The following SORBS2 variants were observed in gnomAD, a reference collection of about 807,000 sequenced individuals.
SORBS2 encodes the protein sorbin and SH3 domain containing 2.
SORBS2 carries 46 observed loss-of-function variants against 97.7 expected under a neutral mutation model. The ratio of observed to expected loss-of-function variants is 0.47; its 90% CI spans 0.37 to 0.60. SORBS2 has a LOEUF of 0.60. SORBS2 is among the 20% of genes least tolerant of loss of function. SORBS2 has a pLI of 0.00. For synonymous variants in SORBS2, 476 were observed against 473.4 expected (o/e 1.01, Z -0.07); for missense variants, 1,316 against 1,282.3 (o/e 1.03, Z -0.40).
intron 1 of SORBS2, among the ~76,000 whole-genome samples, chr4:185,906,001 G>C (rs965077711): frequency 6.6e-6 from 1 of 152,148 alleles, no homozygotes; most frequent in Non-Finnish European, 1.5e-5. Context: ...TTTTAGGGCA[G>C]TGCTCAACTG....
At chr4:185,854,613 A>G (rs2149693685) in intron 1 of SORBS2, among the ~76,000 whole-genome samples, 1 of 152,328 alleles carries the variant, frequency 6.6e-6, no homozygotes, top group East Asian at 1.9e-4. Context: ...ATGAATCACA[A>G]TGCTTTAATA....
intron 2 of SORBS2, among the ~76,000 whole-genome samples, chr4:185,721,161 G>T (rs2098511082): frequency 7.6e-6 from 1 of 131,948 alleles, no homozygotes; most frequent in Non-Finnish European, 1.5e-5. Context: ...TGCAACCTCT[G>T]CCTCTCGGGT....
chr4:185,760,955 C>T (rs1354048613), intron 2 of SORBS2, among the ~76,000 whole-genome samples: 1 of 152,176 alleles, frequency 6.6e-6, no homozygotes, highest in Non-Finnish European at 1.5e-5. Context: ...ATTTCAGTTA[C>T]ATAATAAAAG....
intron 1 of SORBS2, among the ~76,000 whole-genome samples, chr4:185,886,136 C>G (rs775221338): frequency 1.3e-5 from 2 of 152,182 alleles, no homozygotes; most frequent in Non-Finnish European, 2.9e-5. Context: ...ACTGAGAAAG[C>G]ATTTAGGCAT....
At chr4:185,678,495 T>C (rs374582865) in exon 4 of SORBS2, 19 of 1,550,792 alleles carry the variant, frequency 1.2e-5, no homozygotes, top group African/African-American at 8.2e-5. Flanking sequence ...GAGAGGAATA[T>C]GTAGCATCTC....
Position 185,727,086 on chromosome 4 carries a change from G to A in SORBS2, c.-198+48141C>T, listed in dbSNP as rs533255697. Among the ~76,000 whole-genome samples the A allele has an allele frequency of 5.9e-5, 9 of 152,242 alleles. No individual in the cohort carries two copies. The South Asian group carries it at 1.7e-3, about 28-fold the overall frequency. Reference sequence around the variant, plus strand: ...AACAGATCAGAAGCCCTGGACAGACGCCACCACAAAAGCAGCAGCATCTGG... The same window carrying A: ...AACAGATCAGAAGCCCTGGACAGACACCACCACAAAAGCAGCAGCATCTGG... On this transcript the variant is annotated intron_variant, in intron 2 of 20. Coordinates refer to the SORBS2 transcript ENST00000284776.
intron 7 of SORBS2, among the ~76,000 whole-genome samples, chr4:185,622,192 T>G (rs2096729404): frequency 6.6e-6 from 1 of 152,250 alleles, no homozygotes; most frequent in Admixed American, 6.5e-5. Context: ...AAAATAGAGT[T>G]TAGAGTCACT....
intron 1 of SORBS2, among the ~76,000 whole-genome samples, chr4:185,825,069 C>A (rs1294452948): frequency 6.6e-6 from 1 of 152,176 alleles, no homozygotes; most frequent in Non-Finnish European, 1.5e-5. Context: ...TGCACCCTCC[C>A]CTGGGTATAG....
intron 2 of SORBS2, among the ~76,000 whole-genome samples, chr4:185,710,674 T>C (rs1566352): frequency 0.74 from 112,086 of 152,154 alleles, 42,549 homozygotes; most frequent in Non-Finnish European, 0.84. Context: ...CAGTGGCTTT[T>C]GTGCTGAAGG....
rs1458934449 is a variant in SORBS2, at chr4:185,842,820, A to G, written c.-337-67454T>C. 2.6e-5 allele frequency among the ~76,000 whole-genome samples: 4 copies of G among 151,564 alleles called. No individual in the cohort carries two copies. In the East Asian group the frequency reaches 7.8e-4, roughly 30 times the overall value. On this transcript the variant is annotated intron_variant, in intron 1 of 20. Coordinates refer to the SORBS2 transcript ENST00000284776. ...CATGGTAGTATATGCCTGTAGTACCAGCTACTCAGGAGGCTGAGGCAAGGG... is the reference window on the plus strand; with the variant it reads ...CATGGTAGTATATGCCTGTAGTACCGGCTACTCAGGAGGCTGAGGCAAGGG...
chr4:185,714,652 G>A (rs929992577), intron 2 of SORBS2, among the ~76,000 whole-genome samples: 7 of 152,200 alleles, frequency 4.6e-5, no homozygotes, highest in Admixed American at 1.3e-4. Flanking sequence ...AGGCCTCACC[G>A]TCATGGCAGA....
chr4:185,794,567 A>C (rs1371742031), intron 1 of SORBS2, among the ~76,000 whole-genome samples: 1 of 152,302 alleles, frequency 6.6e-6, no homozygotes, highest in Admixed American at 6.5e-5. Context: ...GGGAATTCAG[A>C]TGGTGTTTCC....
chr4:185,935,327 T>C lies in SORBS2; in HGVS notation c.-338+20869A>G, dbSNP rs368422948. On this transcript the variant is annotated intron_variant, in intron 1 of 20. Coordinates refer to the SORBS2 transcript ENST00000284776. ...ACCACATTTTAAATTTATTATTTTA[T>C]GCTTAAATATCACTTATCTGTAACA... Among the ~76,000 whole-genome samples, 13 of 152,378 alleles carry C rather than the reference T, an allele frequency of 8.5e-5. No individual in the cohort carries two copies. The South Asian group carries it at 2.7e-3, about 32-fold the overall frequency.
chr4:185,718,299 A>T (rs2098483144), intron 2 of SORBS2, among the ~76,000 whole-genome samples: 1 of 152,206 alleles, frequency 6.6e-6, no homozygotes, highest in Admixed American at 6.5e-5. Flanking sequence ...TTACAGAAAT[A>T]TGAGCTATCA....
At chr4:185,701,688 AAC>A (rs1188645744) in intron 2 of SORBS2, among the ~76,000 whole-genome samples, 2 of 152,206 alleles carry the variant, frequency 1.3e-5, no homozygotes, top group African/African-American at 2.4e-5. Flanking sequence ...TGCCATTCCT[AAC>A]ACAGAGCAGA....
At chr4:185,641,897 C>T (rs958757558) in intron 4 of SORBS2, among the ~76,000 whole-genome samples, 15 of 152,034 alleles carry the variant, frequency 9.9e-5, no homozygotes, top group African/African-American at 3.4e-4. Flanking sequence ...CAAGGGTGAA[C>T]AACTTTAAAA....
intron 1 of SORBS2, among the ~76,000 whole-genome samples, chr4:185,873,004 G>GCTCTC (rs2099231259): frequency 6.6e-6 from 1 of 152,206 alleles, no homozygotes; most frequent in African/African-American, 2.4e-5. Flanking sequence ...CACCAGCATA[G>GCTCTC]GGCTGTGCTT....
At chr4:185,928,208 C>T (rs1256511080) in intron 1 of SORBS2, among the ~76,000 whole-genome samples, 1 of 152,056 alleles carries the variant, frequency 6.6e-6, no homozygotes, top group Non-Finnish European at 1.5e-5. Flanking sequence ...GAGTTCAATA[C>T]CAGCCTGGGC....
At chr4:185,889,351 C>T (rs1192282691) in intron 1 of SORBS2, among the ~76,000 whole-genome samples, 2 of 151,636 alleles carry the variant, frequency 1.3e-5, no homozygotes. Flanking sequence ...TGATTTTTTC[C>T]ACAGTCATTT....
Sources: allele counts gnomAD v4.1 joint callset (sites outside exome capture counted in the v4.1 genomes callset), GRCh38; gene constraint gnomAD v4.1.1; transcripts MANE v1.5; gene names NCBI Gene and HGNC (gene_info 2026-07-23, HGNC 2026-07-21).